The following DPP3 variants were observed in gnomAD, a reference collection of about 807,000 sequenced individuals.
DPP3 encodes DPP III.
In DPP3, 64 loss-of-function variants were observed where a neutral mutation model predicts 89.8. The observed-to-expected ratio is 0.71, with a 90% CI of 0.58 to 0.88. DPP3 has a LOEUF of 0.88. Among genes scored for constraint, DPP3 ranks in the 40% least tolerant of loss-of-function variants. The pLI is 0.00. For synonymous variants in DPP3, 377 were observed against 404.3 expected (o/e 0.93, Z 0.81); for missense variants, 835 against 972.5 (o/e 0.86, Z 1.88).
Position 66,504,683 on chromosome 11 carries a change from G to T in DPP3, c.1950G>T (p.Ala650=), listed in dbSNP as rs202225573. 6.2e-6 allele frequency: 10 copies of T among 1,612,854 alleles called. No homozygotes were observed. The highest frequency in any genetic ancestry group is 8.5e-6 in the Non-Finnish European group (10 of 1,179,714). The part of the protein sequence containing the change: ...LYEGYATVTD[A]PPECFLTLRD... ...AGGGGTATGCAACAGTCACTGATGC[G>T]CCCCCCGAGTGCTTCCTCACCCTCA... The change falls in exon 17 of 18, where the codon GCG becomes GCT. Residue 650 remains alanine, a synonymous_variant. Coordinates refer to ENST00000531863, the MANE Select transcript of DPP3 (RefSeq NM_130443.4).
chr11:66,485,234 A>T lies in DPP3; in HGVS notation c.332A>T (p.Asp111Val). ...ATGGGCAACTACAAGTCCTTTGGTG[A>T]CACCAAGTTTGTTCCCAACTTGCCC... ...SNMGNYKSFGDTKFVPNLPKE... is the reference protein window; with the variant it reads ...SNMGNYKSFGVTKFVPNLPKE... Residue 111 changes from aspartate to valine, a missense_variant, in exon 3 of 18, where the codon GAC becomes GTC. By Grantham distance (152) the Asp-to-Val change is radical. Coordinates refer to ENST00000531863, the MANE Select transcript of DPP3 (RefSeq NM_130443.4). The T allele has an allele frequency of 1.9e-6, 3 of 1,614,068 alleles. No individual in the cohort carries two copies. Among genetic ancestry groups the T allele is most frequent in the South Asian group, 1.1e-5 (1 of 91,062 alleles).
intron 15 of DPP3, among the ~76,000 whole-genome samples, chr11:66,496,223 G>A (rs923031514): frequency 6.6e-6 from 1 of 152,152 alleles, no homozygotes. Context: ...TGGATATGGG[G>A]TAAGCAATAG....
At position 66,504,707 on chromosome 11, in the gene DPP3, C is replaced by G. The variant is rs1189539595; in HGVS notation, c.1974C>G (p.Leu658=). 8.1e-6 allele frequency: 13 copies of G among 1,613,368 alleles called. No homozygotes were observed. Among genetic ancestry groups the G allele is most frequent in the Non-Finnish European group, 1.1e-5 (13 of 1,179,872 alleles). Residue 658 remains leucine (L), a synonymous_variant, in exon 17 of 18, where the codon CTC becomes CTG. Transcript: ENST00000531863. ...CGCCCCCCGAGTGCTTCCTCACCCT[C>G]AGGGACACGGTGCTGCTGCGTAAGG... ...TDAPPECFLT[L]RDTVLLRKES...
At position 66,486,650 on chromosome 11, in the gene DPP3, G is replaced by C. The variant is rs1855236940; in HGVS notation, c.471G>C (p.Arg157Ser). The change falls in exon 4 of 18, where the codon AGG becomes AGC. Residue 157 changes from arginine to serine, a missense_variant. Physicochemically the swap from Arg to Ser is moderately radical, Grantham distance 110. Transcript: ENST00000531863. ...AGCTTATGTTCTCTCTGGAGCCAAG[G>C]CTTCGACACCTCGGACTGGGGAAGG... ...CGELMFSLEP[R>S]LRHLGLGKEG... The C allele has an allele frequency of 1.3e-6, 2 of 1,565,888 alleles. No homozygotes were observed. Among genetic ancestry groups the C allele is most frequent in the Non-Finnish European group, 8.7e-7 (1 of 1,155,138 alleles).
Position 66,504,626 on chromosome 11 carries a change from A to G in DPP3, c.1893A>G (p.Thr631=), listed in dbSNP as rs1457981778. 9.3e-6 allele frequency: 15 copies of G among 1,611,076 alleles called. No individual in the cohort carries two copies. Among genetic ancestry groups the G allele is most frequent in the Non-Finnish European group, 1.3e-5 (15 of 1,178,692 alleles). The part of the protein sequence containing the change: ...FLRRLQVLKS[T]GDVAGGRALY... ...CCTTCTCACAGGTGCTGAAGTCCAC[A>G]GGGGATGTGGCCGGAGGGCGGGCCC... The change falls in exon 17 of 18, where the codon ACA becomes ACG. Residue 631 remains threonine (T), a synonymous_variant. Coordinates refer to ENST00000531863, the MANE Select transcript of DPP3 (RefSeq NM_130443.4).
At position 66,492,701 on chromosome 11, in the gene DPP3, C is replaced by T. The variant is rs756158669; in HGVS notation, c.989-15C>T. ...TGGAACCCTGCCAAGCCACAACCCC[C>T]TCCCTCCTCTGCAGGTTTCGTAGCT... On this transcript the variant is annotated splice_polypyrimidine_tract_variant and intron_variant, in intron 9 of 17. Transcript: ENST00000531863. The T allele has an allele frequency of 1.3e-6, 2 of 1,557,126 alleles. No homozygotes were observed. Among genetic ancestry groups the T allele is most frequent in the Non-Finnish European group, 1.7e-6 (2 of 1,153,472 alleles).
At chr11:66,482,153 T>C in intron 1 of DPP3, 40 bp from the exon 2 acceptor site, 1 of 1,606,154 alleles carries the variant, frequency 6.2e-7, no homozygotes, top group East Asian at 2.2e-5. Flanking sequence ...GCAATTGGTA[T>C]GGGGTAAACA....
chr11:66,493,702 G>A, intron 12 of DPP3, 69 bp downstream of exon 12: 3 of 1,486,828 alleles, frequency 2.0e-6, no homozygotes, highest in Non-Finnish European at 2.7e-6. Flanking sequence ...GCCCTACCCA[G>A]CGGTGAAGCT....
chr11:66,487,668 G>A (rs1194693408), intron 5 of DPP3, among the ~76,000 whole-genome samples: 2 of 152,138 alleles, frequency 1.3e-5, no homozygotes, highest in Non-Finnish European at 2.9e-5. Flanking sequence ...CGCAGAGGCC[G>A]TGCAGTGCCT....
rs371553288 is a variant in DPP3, at chr11:66,509,201, G to A, written c.2164G>A (p.Asp722Asn). Residue 722 changes from aspartate to asparagine, a missense_variant, in exon 18 of 18, where the codon GAT (aspartate) becomes AAT (asparagine). Transcript: ENST00000531863. ...GATCCTCACACAGCTGGCCACAGCCGATGCCCGATTCTGGAAGGGCCCCAG... is the reference window on the plus strand; with the variant it reads ...GATCCTCACACAGCTGGCCACAGCCAATGCCCGATTCTGGAAGGGCCCCAG... ...EEILTQLATA[D>N]ARFWKGPSEA... 1.2e-5 allele frequency: 20 copies of A among 1,614,000 alleles called. No individual in the cohort carries two copies. Among genetic ancestry groups the A allele is most frequent in the African/African-American group, 5.3e-5 (4 of 75,048 alleles).
Position 66,487,291 on chromosome 11 carries a change from G to A in DPP3, c.522G>A (p.Gly174=), listed in dbSNP as rs752810487. ...GKEGITTYFS[G]NCTMEDAKLA... ...AGGGAATCACCACCTATTTCTCTGG[G>A]AATTGTACCATGGAAGATGCCAAAT... is the stretch of plus-strand genomic sequence containing the variant. Residue 174 remains glycine (G), a synonymous_variant, in exon 5 of 18, where the codon GGG becomes GGA. Transcript: ENST00000531863. 14 of 1,614,018 alleles carry A rather than the reference G, an allele frequency of 8.7e-6. No individual in the cohort carries two copies. Among genetic ancestry groups the A allele is most frequent in the African/African-American group, 1.3e-5 (1 of 75,006 alleles).
intron 17 of DPP3, among the ~76,000 whole-genome samples, chr11:66,508,043 A>G (rs1409699590): frequency 6.6e-6 from 1 of 152,076 alleles, no homozygotes; most frequent in East Asian, 1.9e-4. Flanking sequence ...TATTATCCTC[A>G]TTTTTCATCT....
At chr11:66,505,762 T>C (rs11227500) in intron 17 of DPP3, among the ~76,000 whole-genome samples, 36,055 of 148,876 alleles carry the variant, frequency 0.24, 4,606 homozygotes, top group East Asian at 0.27. Flanking sequence ...GTAGGAGGAT[T>C]GCTTGAGCCC....
At chr11:66,495,527 G>T in intron 14 of DPP3, 38 bp downstream of exon 14, 1 of 1,609,984 alleles carries the variant, frequency 6.2e-7, no homozygotes. Context: ...CTGTCCCGCT[G>T]CAGTGGCCAG....
chr11:66,486,770 G>T, intron 4 of DPP3, 93 bp downstream of exon 4: 1 of 1,402,700 alleles, frequency 7.1e-7, no homozygotes, highest in Non-Finnish European at 9.4e-7. Context: ...TGGGGAGGCA[G>T]TGGGCTCTGC....
rs1221573739 is a variant in DPP3 at position 66,491,553 on chromosome 11, C to T, written c.858C>T (p.Thr286=). ...TGGCCCAGTATATAGAGAGCTTCAC[C>T]CAGGGCTCCATCGAGGCCCACAAGA... is the stretch of plus-strand genomic sequence containing the variant. The part of the protein sequence containing the change: ...QMLAQYIESF[T]QGSIEAHKRG... The change falls in exon 8 of 18, where the codon ACC becomes ACT. Residue 286 remains threonine (T), a synonymous_variant. Coordinates refer to ENST00000531863, the MANE Select transcript of DPP3 (RefSeq NM_130443.4). 1 of 1,613,708 alleles carries T rather than the reference C, an allele frequency of 6.2e-7. No homozygotes were observed.
At chr11:66,493,674 C>T in intron 12 of DPP3, 41 bp downstream of exon 12, 2 of 1,561,440 alleles carry the variant, frequency 1.3e-6, no homozygotes, top group South Asian at 1.2e-5. Context: ...CAGCCTACAG[C>T]TCCACTCCCC....
At chr11:66,493,470 G>T in intron 11 of DPP3, 71 bp from the exon 12 acceptor site, 2 of 1,512,356 alleles carry the variant, frequency 1.3e-6, no homozygotes, top group South Asian at 1.2e-5. Flanking sequence ...TGGCCCAGGG[G>T]AGGGGAGGCC....
chr11:66,506,915 G>A (rs569706041), intron 17 of DPP3, among the ~76,000 whole-genome samples: 158 of 151,712 alleles, frequency 1.0e-3, no homozygotes, highest in Non-Finnish European at 1.8e-3. Context: ...TTCTTCTAGC[G>A]CCCATCACGC....
Sources: allele counts gnomAD v4.1 joint callset (sites outside exome capture counted in the v4.1 genomes callset), GRCh38; gene constraint gnomAD v4.1.1; transcripts MANE v1.5; gene names NCBI Gene and HGNC (gene_info 2026-07-23, HGNC 2026-07-21).